Variants in RORA observed in about 807,000 individuals in gnomAD.
RORA encodes nuclear receptor ROR-alpha.
In RORA, 7 loss-of-function variants were observed where a neutral mutation model predicts 69.5. The observed-to-expected ratio is 0.10, with a 90% CI of 0.06 to 0.19. RORA has a LOEUF of 0.19. Among genes scored for constraint, RORA ranks in the 10% least tolerant of loss-of-function variants. The probability of loss-of-function intolerance (pLI) is 1.00; values close to 1 mark genes in which losing one functional copy is unlikely to be tolerated. For missense variants in RORA, 457 were observed against 663.0 expected, an observed-to-expected ratio of 0.69 and a Z score of 3.41; for synonymous variants, 261 against 240.8, an observed-to-expected ratio of 1.08 and a Z score of -0.78.
intron 1 of RORA, among the ~76,000 whole-genome samples, chr15:61,067,283 T>C (rs1366712131): frequency 1.3e-5 from 2 of 152,000 alleles, no homozygotes; most frequent in East Asian, 3.9e-4. Context: ...GGCTAATTTT[T>C]GTATTTTTAG....
chr15:61,023,536 C>T (rs1318588055), intron 1 of RORA, among the ~76,000 whole-genome samples: 1 of 152,146 alleles, frequency 6.6e-6, no homozygotes, highest in Non-Finnish European at 1.5e-5. Context: ...GAGTACAGTT[C>T]CAGATGAGAT....
In RORA at chr15:60,825,913, C is replaced by T. The variant is rs190892563; in HGVS notation, c.167-147227G>A. On this transcript the variant is annotated intron_variant, in intron 1 of 10. Coordinates refer to ENST00000335670, the MANE Select transcript of RORA (RefSeq NM_134261.3). ...AAACTCTCTCCCCTTCTTCCTATCACAGTTCCTGAAATTCTAGCATTATAA... is the reference window on the plus strand; with the variant it reads ...AAACTCTCTCCCCTTCTTCCTATCATAGTTCCTGAAATTCTAGCATTATAA... Among the ~76,000 whole-genome samples the T allele has an allele frequency of 1.0e-3, 154 of 152,350 alleles. 1 individual carries two copies. The highest frequency in any genetic ancestry group is 6.5e-3 in the Admixed American group (100 of 15,304).
intron 1 of RORA, among the ~76,000 whole-genome samples, chr15:60,795,259 T>C (rs1428383021): frequency 1.3e-5 from 2 of 152,186 alleles, no homozygotes; most frequent in South Asian, 2.1e-4. Flanking sequence ...ATGTTTCAAA[T>C]GGGCTATTCA....
In RORA at chr15:61,091,821, G is replaced by A. The variant is rs564540769; in HGVS notation, c.166+137232C>T. 1.2e-4 allele frequency among the ~76,000 whole-genome samples: 18 copies of A among 152,268 alleles called. No homozygotes were observed. The South Asian group carries it at 3.7e-3, about 32-fold the overall frequency. The stretch of plus-strand genomic sequence containing the variant: ...ACTGCTTGTGTGTATTCATAGGCAA[G>A]GGAAAAGATAAAGTAAGGTTCATTT... On this transcript the variant is annotated intron_variant, in intron 1 of 10. Coordinates refer to ENST00000335670, the MANE Select transcript of RORA (RefSeq NM_134261.3).
At chr15:60,686,465 A>G (rs2070750405) in intron 1 of RORA, among the ~76,000 whole-genome samples, 1 of 152,158 alleles carries the variant, frequency 6.6e-6, no homozygotes, top group Admixed American at 6.5e-5. Context: ...CCTTTTATTG[A>G]GTGTCTGTAT....
chr15:61,024,920 T>C (rs539636630), intron 1 of RORA, among the ~76,000 whole-genome samples: 1 of 152,316 alleles, frequency 6.6e-6, no homozygotes, highest in South Asian at 2.1e-4. Context: ...TTTCCGCACT[T>C]GATGTTAGAC....
At chr15:60,945,508 C>T (rs537574483) in intron 1 of RORA, among the ~76,000 whole-genome samples, 8 of 152,284 alleles carry the variant, frequency 5.3e-5, no homozygotes, top group Admixed American at 2.6e-4. Context: ...CTACAACTAC[C>T]GAGAACAGTG....
At position 60,944,712 on chromosome 15, in the gene RORA, A is replaced by G. The variant is rs1369753516; in HGVS notation, c.167-266026T>C. On this transcript the variant is annotated intron_variant, in intron 1 of 10. Coordinates refer to ENST00000335670, the MANE Select transcript of RORA (RefSeq NM_134261.3). ...TGTACTCCAAAAAAAAAAAAAAAAA[A>G]AAGCAGCATGGCCCAGAATTCCTGT... Among the ~76,000 whole-genome samples the G allele has an allele frequency of 3.3e-5, 5 of 151,606 alleles. No individual in the cohort carries two copies. In the East Asian group the frequency reaches 9.6e-4, roughly 29 times the overall value.
At chr15:60,656,561 T>C (rs2070225052) in intron 2 of RORA, among the ~76,000 whole-genome samples, 1 of 152,142 alleles carries the variant, frequency 6.6e-6, no homozygotes, top group Non-Finnish European at 1.5e-5. Flanking sequence ...ACTTGTGAAA[T>C]AGTGAACTTC....
chr15:60,548,052 T>A (rs1452150456), intron 2 of RORA: 2 of 152,226 alleles, frequency 1.3e-5, no homozygotes, highest in African/African-American at 4.8e-5. Context: ...TACCCATCAC[T>A]GCTGCATGAA....
At chr15:60,582,135 A>G (rs1283298843) in intron 2 of RORA, among the ~76,000 whole-genome samples, 1 of 152,232 alleles carries the variant, frequency 6.6e-6, no homozygotes, top group African/African-American at 2.4e-5. Context: ...GTAATTTACT[A>G]GAACTAAATC....
intron 1 of RORA, among the ~76,000 whole-genome samples, chr15:60,965,853 G>A (rs1893541423): frequency 6.6e-6 from 1 of 151,902 alleles, no homozygotes; most frequent in Non-Finnish European, 1.5e-5. Flanking sequence ...ACCCTACTAC[G>A]AACCCTCCCC....
At chr15:60,521,576 G>C (rs1264351289) in intron 3 of RORA, among the ~76,000 whole-genome samples, 1 of 152,128 alleles carries the variant, frequency 6.6e-6, no homozygotes, top group African/African-American at 2.4e-5. Context: ...TTTTTTAAAA[G>C]CTCCCCGAAG....
intron 1 of RORA, among the ~76,000 whole-genome samples, chr15:60,993,309 T>C (rs1351319460): frequency 2.6e-5 from 4 of 152,118 alleles, no homozygotes; most frequent in Admixed American, 6.5e-5. Context: ...TGTCCCCCTT[T>C]TATAGACTGG....
chr15:60,770,931 T>C (rs890209858), intron 1 of RORA, among the ~76,000 whole-genome samples: 1 of 152,232 alleles, frequency 6.6e-6, no homozygotes, highest in African/African-American at 2.4e-5. Flanking sequence ...TACATTTGAA[T>C]TTCAGATAAG....
intron 5 of RORA, among the ~76,000 whole-genome samples, chr15:60,507,763 TGAA>T (rs1317499718): frequency 1.3e-5 from 2 of 152,084 alleles, no homozygotes; most frequent in Admixed American, 6.5e-5. Flanking sequence ...ATGATGAAGA[TGAA>T]GAGTCTTCGC....
intron 1 of RORA, among the ~76,000 whole-genome samples, chr15:61,122,977 C>T (rs1413528594): frequency 6.6e-6 from 1 of 152,058 alleles, no homozygotes; most frequent in African/African-American, 2.4e-5. Flanking sequence ...TACAAAGGTA[C>T]ATCACTTTCA....
intron 1 of RORA, among the ~76,000 whole-genome samples, chr15:60,864,777 C>T (rs1595775919): frequency 2.0e-5 from 3 of 152,304 alleles, no homozygotes; most frequent in Non-Finnish European, 1.5e-5. Flanking sequence ...ACAGGAGCCC[C>T]ATGAAGAGGG....
intron 1 of RORA, among the ~76,000 whole-genome samples, chr15:61,217,268 T>C (rs1048537727): frequency 6.6e-6 from 1 of 152,034 alleles, no homozygotes; most frequent in African/African-American, 2.4e-5. Flanking sequence ...ACCTGGAAAA[T>C]AACTATCAGA....
Sources: allele counts gnomAD v4.1 joint callset (sites outside exome capture counted in the v4.1 genomes callset), GRCh38; gene constraint gnomAD v4.1.1; transcripts MANE v1.5; gene names NCBI Gene and HGNC (gene_info 2026-07-23, HGNC 2026-07-21).